The following HEXB variants were observed in gnomAD, a reference collection of about 807,000 sequenced individuals.
The protein encoded by HEXB is hexosaminidase subunit beta.
HEXB carries 51 observed loss-of-function variants against 71.2 expected under a neutral mutation model. That is an observed-to-expected ratio of 0.72 (90% CI 0.57 to 0.90). The LOEUF is 0.90. Ranked by LOEUF, HEXB falls within the 40% of genes least tolerant of loss-of-function variation. HEXB has a pLI of 0.00. For synonymous variants in HEXB, 266 were observed against 249.3 expected (o/e 1.07, Z -0.63); for missense variants, 617 against 677.0 (o/e 0.91, Z 0.98).
At chr5:74,704,135 G>A (rs1749324922) in intron 5 of HEXB, among the ~76,000 whole-genome samples, 1 of 152,110 alleles carries the variant, frequency 6.6e-6, no homozygotes, top group Non-Finnish European at 1.5e-5. Flanking sequence ...ACCAACCCCT[G>A]GTCTATGTTA....
intron 1 of HEXB, among the ~76,000 whole-genome samples, chr5:74,654,516 G>T (rs771851120): frequency 6.6e-6 from 1 of 152,100 alleles, no homozygotes; most frequent in Non-Finnish European, 1.5e-5. Flanking sequence ...AACCCTTACT[G>T]GTTAAGAGGG....
At chr5:74,668,668 G>T (rs1748479467) in intron 1 of HEXB, among the ~76,000 whole-genome samples, 2 of 152,148 alleles carry the variant, frequency 1.3e-5, no homozygotes, top group Admixed American at 1.3e-4. Flanking sequence ...AGCCCCCAGG[G>T]ACCTCCTGCT....
At chr5:74,648,549 C>T (rs1214618095) in intron 1 of HEXB, among the ~76,000 whole-genome samples, 1 of 144,276 alleles carries the variant, frequency 6.9e-6, no homozygotes, top group East Asian at 1.9e-4. Context: ...TGCCCTTATA[C>T]TGTCTTAATA....
At chr5:74,715,314 A>G (rs1189720642) in intron 7 of HEXB, among the ~76,000 whole-genome samples, 196 bp from the exon 8 acceptor site, 1 of 152,186 alleles carries the variant, frequency 6.6e-6, no homozygotes, top group East Asian at 1.9e-4. Context: ...ATATAATGGG[A>G]AACAAAGAGG....
rs560280842 is a variant in HEXB at position 74,641,250 on chromosome 5, A to T, written c.-377+692A>T. 1 of 152,692 alleles carries T rather than the reference A, an allele frequency of 6.5e-6. No individual in the cohort carries two copies. The highest frequency in any genetic ancestry group is 6.5e-5 in the Admixed American group (1 of 15,304). The allele number at this position is 152,692 out of a possible 1,614,324, so 9.5% of individuals were successfully genotyped here. A position where few individuals can be genotyped will look rare whatever the true frequency, so the allele number is the denominator to read the frequency against. On this transcript the variant is annotated intron_variant, in intron 1 of 13. Coordinates refer to the HEXB transcript ENST00000511181. This position sits in a 1 kb window ranked among gnomAD's most constrained non-coding sequence, Gnocchi z 4.1. ...TGGGTAGGACACCCAGAGTGGGGAG[A>T]GATAGTGGCAATGGACGGGCAAAAG...
At chr5:74,714,235 C>T (rs1007369834) in intron 7 of HEXB, among the ~76,000 whole-genome samples, 16 of 152,096 alleles carry the variant, frequency 1.1e-4, no homozygotes, top group African/African-American at 3.4e-4. Context: ...TTGTGATTGG[C>T]CTATCAGTAA....
chr5:74,709,242 A>G (rs1361544124), intron 6 of HEXB, among the ~76,000 whole-genome samples: 1 of 152,220 alleles, frequency 6.6e-6, no homozygotes, highest in Non-Finnish European at 1.5e-5. Flanking sequence ...CTTTGAAACC[A>G]ACAAGAACAA....
intron 5 of HEXB, among the ~76,000 whole-genome samples, chr5:74,702,066 T>C (rs927603244): frequency 2.0e-5 from 2 of 100,912 alleles, no homozygotes; most frequent in African/African-American, 3.7e-5. Flanking sequence ...TCTTTCCTTG[T>C]CTTTTTTTTT....
chr5:74,661,625 G>A (rs545604163), intron 1 of HEXB, among the ~76,000 whole-genome samples: 2 of 148,566 alleles, frequency 1.3e-5, no homozygotes, highest in African/African-American at 5.0e-5. Context: ...TCAAACTCCT[G>A]GCCTCAAGGG....
chr5:74,704,673 C>T lies in HEXB; in HGVS notation c.670-546C>T, dbSNP rs536593825. Among the ~76,000 whole-genome samples the T allele has an allele frequency of 2.6e-5, 4 of 152,368 alleles. No homozygotes were observed. In the South Asian group the frequency reaches 8.3e-4, roughly 32 times the overall value. The stretch of plus-strand genomic sequence containing the variant: ...TTGGGAATCTTGCTCTCCTCCCATA[C>T]AGCAAAGTTACAACTCACCGTCTAG... On this transcript the variant is annotated intron_variant, in intron 5 of 13. Transcript: ENST00000261416.
chr5:74,717,430 A>C (rs544139187), intron 9 of HEXB, among the ~76,000 whole-genome samples: 18 of 151,978 alleles, frequency 1.2e-4, no homozygotes, highest in Non-Finnish European at 1.8e-4. Flanking sequence ...CCACATGTCA[A>C]GTGTTCAGTA....
At chr5:74,644,348 GTGCTCTTTTGCTGAGGGAGC>G (rs1747961578) in intron 1 of HEXB, among the ~76,000 whole-genome samples, 1 of 152,222 alleles carries the variant, frequency 6.6e-6, no homozygotes, top group Admixed American at 6.5e-5. Flanking sequence ...GGGCAAGGTG[GTGCTCTTTTGCTGAGGGAGC>G]TGCCAGCACA....
chr5:74,662,832 G>A (rs1308499740), intron 1 of HEXB, among the ~76,000 whole-genome samples: 3 of 152,130 alleles, frequency 2.0e-5, no homozygotes, highest in Non-Finnish European at 4.4e-5. Flanking sequence ...TGGTCCTAGA[G>A]CAGAAACAAA....
chr5:74,719,554 T>G (rs1335801487), intron 11 of HEXB, among the ~76,000 whole-genome samples: 1 of 152,198 alleles, frequency 6.6e-6, no homozygotes, highest in Non-Finnish European at 1.5e-5. Context: ...TTTTGCTGTT[T>G]AAAAAAGTTT....
chr5:74,719,099 T>A lies in HEXB; in HGVS notation c.1417+128T>A, dbSNP rs576227595. The stretch of plus-strand genomic sequence containing the variant: ...CCCACCCCAGAAGTCTTTACCTAGA[T>A]ATTACCTACCAACTATCTTTTATGT... On this transcript the variant is annotated intron_variant, in intron 11 of 13. Transcript: ENST00000261416. The A allele has an allele frequency of 9.9e-6, 8 of 806,092 alleles. No homozygotes were observed. In the Admixed American group the frequency reaches 1.6e-4, roughly 16 times the overall value. The allele number at this position is 806,092 out of a possible 1,614,324, so 49.9% of individuals were successfully genotyped here. A position where few individuals can be genotyped will look rare whatever the true frequency, so the allele number is the denominator to read the frequency against.
chr5:74,693,175 T>G (rs1024575394), intron 2 of HEXB, among the ~76,000 whole-genome samples: 5 of 152,184 alleles, frequency 3.3e-5, no homozygotes, highest in Non-Finnish European at 5.9e-5. Flanking sequence ...AGGGAGTAGA[T>G]TTGAGCGACA....
chr5:74,651,581 C>T (rs994262376), intron 1 of HEXB, among the ~76,000 whole-genome samples: 1 of 152,124 alleles, frequency 6.6e-6, no homozygotes, highest in African/African-American at 2.4e-5. Flanking sequence ...TTGGATGCCT[C>T]AAGAAATAGG....
intron 1 of HEXB, among the ~76,000 whole-genome samples, chr5:74,650,820 G>A (rs1317356229): frequency 2.0e-5 from 3 of 151,476 alleles, no homozygotes; most frequent in Non-Finnish European, 4.4e-5. Context: ...CAGCTACTCG[G>A]GAGGCTGAGG....
At chr5:74,695,856 A>AT (rs11397975) in intron 3 of HEXB, among the ~76,000 whole-genome samples, 1 of 150,870 alleles carries the variant, frequency 6.6e-6, no homozygotes, top group Non-Finnish European at 1.5e-5. Flanking sequence ...AAAAAAAAAA[A>AT]GATAAAACCA....
Sources: allele counts gnomAD v4.1 joint callset (sites outside exome capture counted in the v4.1 genomes callset), GRCh38; gene constraint gnomAD v4.1.1; non-coding constraint Gnocchi (gnomAD v3.1); transcripts MANE v1.5; gene names NCBI Gene and HGNC (gene_info 2026-07-23, HGNC 2026-07-21).